The following CNTNAP2 variants were observed in gnomAD, a reference collection of about 807,000 sequenced individuals.
CNTNAP2 encodes the protein contactin associated protein 2.
Under a neutral mutation model 155.2 loss-of-function variants are expected in CNTNAP2, and 98 were observed. That is an observed-to-expected ratio of 0.63 (90% CI 0.54 to 0.75). CNTNAP2 has a LOEUF of 0.75. CNTNAP2 is among the 30% of genes least tolerant of loss of function. The probability of loss-of-function intolerance (pLI) is 0.00; values close to 1 mark genes in which losing one functional copy is unlikely to be tolerated. For missense variants in CNTNAP2, 1,727 were observed against 1,688.1 expected, an observed-to-expected ratio of 1.02 and a Z score of -0.40; for synonymous variants, 651 against 631.2, an observed-to-expected ratio of 1.03 and a Z score of -0.47.
intron 1 of CNTNAP2, among the ~76,000 whole-genome samples, chr7:146,458,598 C>A (rs1481202963): frequency 6.6e-6 from 1 of 152,158 alleles, no homozygotes; most frequent in Non-Finnish European, 1.5e-5. Flanking sequence ...ATACAAATAT[C>A]TATGTAAAAC....
chr7:146,294,405 C>T (rs1800480219), intron 1 of CNTNAP2, among the ~76,000 whole-genome samples: 2 of 152,166 alleles, frequency 1.3e-5, no homozygotes, highest in Admixed American at 1.3e-4. Flanking sequence ...CACTAACAGA[C>T]TAACGACTCC....
At chr7:148,023,992 A>C (rs532004843) in intron 15 of CNTNAP2, among the ~76,000 whole-genome samples, 3 of 152,254 alleles carry the variant, frequency 2.0e-5, no homozygotes, top group African/African-American at 7.2e-5. Context: ...TTTCAAATTC[A>C]CATAAAAGGA....
intron 1 of CNTNAP2, among the ~76,000 whole-genome samples, chr7:146,622,285 A>ATG (rs1409306785): frequency 2.8e-5 from 4 of 145,032 alleles, no homozygotes; most frequent in African/African-American, 7.9e-5. Context: ...CTATCTATAT[A>ATG]TATATATGTT....
intron 16 of CNTNAP2, among the ~76,000 whole-genome samples, chr7:148,127,494 A>C (rs907391784): frequency 1.3e-5 from 2 of 152,228 alleles, no homozygotes; most frequent in South Asian, 2.1e-4. Flanking sequence ...TGCATTTAGC[A>C]GACATATCTC....
intron 13 of CNTNAP2, among the ~76,000 whole-genome samples, chr7:147,836,429 C>T (rs914033680): frequency 4.6e-5 from 7 of 151,998 alleles, no homozygotes; most frequent in African/African-American, 1.4e-4. Flanking sequence ...CTTCTATGTG[C>T]TCCTCCTTTG....
At chr7:146,892,084 G>A (rs920989729) in intron 3 of CNTNAP2, among the ~76,000 whole-genome samples, 1 of 152,140 alleles carries the variant, frequency 6.6e-6, no homozygotes, top group African/African-American at 2.4e-5. Flanking sequence ...GGGTAGAGTT[G>A]GTGGCAGCAG....
At chr7:146,656,947 C>T (rs1197889868) in intron 1 of CNTNAP2, among the ~76,000 whole-genome samples, 2 of 152,096 alleles carry the variant, frequency 1.3e-5, no homozygotes, top group South Asian at 2.1e-4. Context: ...ACATTGAGAT[C>T]CCAATTCAAT....
At chr7:148,187,005 T>C (rs1795125867) in intron 18 of CNTNAP2, among the ~76,000 whole-genome samples, 1 of 152,128 alleles carries the variant, frequency 6.6e-6, no homozygotes. Flanking sequence ...CTTATCACCC[T>C]GATGACTCAG....
intron 3 of CNTNAP2, among the ~76,000 whole-genome samples, chr7:146,989,715 C>T (rs1798175629): frequency 6.6e-6 from 1 of 152,106 alleles, no homozygotes; most frequent in African/African-American, 2.4e-5. Context: ...CAATCCATCC[C>T]TTATCCATCG....
intron 1 of CNTNAP2, among the ~76,000 whole-genome samples, chr7:146,549,036 T>C (rs1054594100): frequency 1.3e-5 from 2 of 151,704 alleles, no homozygotes; most frequent in African/African-American, 4.8e-5. Flanking sequence ...TTTTTGTATG[T>C]GTAGTATAAG....
rs188422743 is a variant in CNTNAP2 at position 146,289,645 on chromosome 7, C to T, written c.97+172672C>T. On this transcript the variant is annotated intron_variant, in intron 1 of 23. Transcript: ENST00000361727. ...ATTATTAAATATGAGCGATTTGGGCCTTCAGCAAACGACCATTTATATTCC... is the reference window on the plus strand; with the variant it reads ...ATTATTAAATATGAGCGATTTGGGCTTTCAGCAAACGACCATTTATATTCC... 8.3e-4 allele frequency among the ~76,000 whole-genome samples: 127 copies of T among 152,252 alleles called. 1 individual carries two copies. Among genetic ancestry groups the T allele is most frequent in the African/African-American group, 2.9e-3 (122 of 41,556 alleles).
At chr7:146,281,042 G>A (rs188986972) in intron 1 of CNTNAP2, among the ~76,000 whole-genome samples, 6 of 152,188 alleles carry the variant, frequency 3.9e-5, no homozygotes, top group Non-Finnish European at 7.3e-5. Flanking sequence ...GTGAGGATGA[G>A]GGTTGACCTA....
intron 14 of CNTNAP2, among the ~76,000 whole-genome samples, chr7:147,969,841 T>C (rs1375135865): frequency 6.6e-6 from 1 of 152,180 alleles, no homozygotes; most frequent in Non-Finnish European, 1.5e-5. Flanking sequence ...AGTAGCATCT[T>C]ATTTCTGGGT....
chr7:146,388,746 C>T (rs997427833), intron 1 of CNTNAP2, among the ~76,000 whole-genome samples: 2 of 152,172 alleles, frequency 1.3e-5, no homozygotes, highest in East Asian at 3.9e-4. Flanking sequence ...ATCTCTAACT[C>T]CTCACCAGCC....
intron 1 of CNTNAP2, among the ~76,000 whole-genome samples, chr7:146,685,989 C>A (rs907444483): frequency 6.6e-6 from 1 of 151,874 alleles, no homozygotes; most frequent in African/African-American, 2.4e-5. Flanking sequence ...TAATATTGAC[C>A]TTGGGATTCA....
chr7:146,417,950 A>ACAAGG (rs10635543), intron 1 of CNTNAP2, among the ~76,000 whole-genome samples: 64,225 of 151,710 alleles, frequency 0.42, 16,530 homozygotes, highest in African/African-American at 0.73. Flanking sequence ...TTTACCAGAT[A>ACAAGG]CACTGTTCTT....
At chr7:147,398,485 A>C (rs567844912) in intron 10 of CNTNAP2, among the ~76,000 whole-genome samples, 1 of 151,520 alleles carries the variant, frequency 6.6e-6, no homozygotes, top group African/African-American at 2.4e-5. Context: ...GAATGTTTGG[A>C]GATAATAGTC....
chr7:147,354,717 T>C (rs1796032900), intron 9 of CNTNAP2, among the ~76,000 whole-genome samples: 1 of 152,154 alleles, frequency 6.6e-6, no homozygotes, highest in African/African-American at 2.4e-5. Flanking sequence ...ATCTGTAAAT[T>C]ACTTTGGGCA....
At chr7:148,168,040 A>G (rs1033845848) in intron 17 of CNTNAP2, among the ~76,000 whole-genome samples, 44 of 152,190 alleles carry the variant, frequency 2.9e-4, no homozygotes, top group African/African-American at 9.2e-4. Flanking sequence ...TCCATTCTCA[A>G]TCATTAAAAA....
Sources: allele counts gnomAD v4.1 joint callset (sites outside exome capture counted in the v4.1 genomes callset), GRCh38; gene constraint gnomAD v4.1.1; transcripts MANE v1.5; gene names NCBI Gene and HGNC (gene_info 2026-07-23, HGNC 2026-07-21).